UBE2Z: variants seen among roughly 807,000 people sequenced by gnomAD.
The protein encoded by UBE2Z is ubiquitin-conjugating enzyme E2 Z.
UBE2Z carries 10 observed loss-of-function variants against 32.6 expected under a neutral mutation model. That is an observed-to-expected ratio of 0.31 (90% CI 0.19 to 0.52). The LOEUF (loss-of-function observed/expected upper bound fraction) is 0.52. Ranked by LOEUF, UBE2Z falls within the 20% of genes least tolerant of loss-of-function variation. UBE2Z has a pLI of 0.97. For synonymous variants in UBE2Z, 183 were observed against 190.8 expected (o/e 0.96, Z 0.34); for missense variants, 343 against 480.9 (o/e 0.71, Z 2.68).
At chr17:48,918,298 C>G (rs1435066375) in intron 4 of UBE2Z, among the ~76,000 whole-genome samples, 3 of 151,960 alleles carry the variant, frequency 2.0e-5, no homozygotes, top group African/African-American at 4.8e-5. Context: ...CTCTATAGAC[C>G]TGAACAAAGG....
At chr17:48,922,963 C>A (rs1296268927) in intron 6 of UBE2Z, 26 bp downstream of exon 6, 1 of 1,591,468 alleles carries the variant, frequency 6.3e-7, no homozygotes, top group South Asian at 1.1e-5. Flanking sequence ...CTGCTAATTG[C>A]AGAAGCCCTA....
At chr17:48,915,777 T>C in intron 3 of UBE2Z, 1 of 300,216 alleles carries the variant, frequency 3.3e-6, no homozygotes, top group Non-Finnish European at 6.1e-6. Context: ...ATTGCTTACC[T>C]AATTTCTTTT....
chr17:48,916,425 AT>A (rs2040720715), intron 4 of UBE2Z, among the ~76,000 whole-genome samples: 1 of 150,282 alleles, frequency 6.7e-6, no homozygotes, highest in African/African-American at 2.4e-5. Flanking sequence ...GCTAATTTTT[AT>A]ATTTTTAGTA....
chr17:48,912,441 T>C (rs963960823), intron 2 of UBE2Z: 4 of 167,818 alleles, frequency 2.4e-5, no homozygotes, highest in Admixed American at 1.2e-4. Context: ...TTATATTTTA[T>C]AGATAAGCAT....
At chr17:48,912,515 A>AC in intron 2 of UBE2Z, 2 of 121,088 alleles carry the variant, frequency 1.7e-5, no homozygotes, top group Non-Finnish European at 3.6e-5. Flanking sequence ...AGGTCTGCAC[A>AC]AAAAAAAAAA....
intron 2 of UBE2Z, chr17:48,912,537 G>A: frequency 3.1e-6 from 1 of 325,786 alleles, no homozygotes; most frequent in Non-Finnish European, 5.8e-6. Context: ...TGCTTTAAGA[G>A]AGTTTTAGGG....
At chr17:48,920,874 T>C (rs999195830) in intron 4 of UBE2Z, among the ~76,000 whole-genome samples, 2 of 152,060 alleles carry the variant, frequency 1.3e-5, no homozygotes, top group Admixed American at 6.6e-5. Context: ...ACATAATCTT[T>C]ACTTGATAGA....
intron 4 of UBE2Z, 80 bp downstream of exon 4, chr17:48,916,267 T>G (rs1387987821): frequency 1.5e-6 from 1 of 677,118 alleles, no homozygotes. Context: ...TGTTTTTTTT[T>G]TTTTTTGAGA....
intron 4 of UBE2Z, among the ~76,000 whole-genome samples, chr17:48,919,245 A>T (rs540459696): frequency 6.6e-6 from 1 of 151,980 alleles, no homozygotes. Context: ...CGGCCTCCCA[A>T]AGTGCTGGGA....
chr17:48,910,620 C>G lies in UBE2Z; in HGVS notation c.318-188C>G, dbSNP rs1281955317. On this transcript the variant is annotated intron_variant, in intron 1 of 6. Coordinates refer to ENST00000360943, the MANE Select transcript of UBE2Z (RefSeq NM_023079.5). Reference sequence around the variant, plus strand: ...AATGCCCTTTTGATAATAATTTGCTCTCTGCCTGCCTGACAAGTACTCAGC... The same window carrying G: ...AATGCCCTTTTGATAATAATTTGCTGTCTGCCTGCCTGACAAGTACTCAGC... The G allele has an allele frequency of 1.4e-5, 7 of 489,210 alleles. No individual in the cohort carries two copies. In the South Asian group the frequency reaches 1.9e-4, roughly 13 times the overall value. 30.3% of individuals were successfully genotyped at this position (489,210 alleles called of 1,614,324 possible).
chr17:48,926,365 T>C (rs1397737345), intron 6 of UBE2Z, among the ~76,000 whole-genome samples: 3 of 152,200 alleles, frequency 2.0e-5, no homozygotes, highest in African/African-American at 4.8e-5. Context: ...CTCATTCCTA[T>C]CTATCTCACC....
chr17:48,921,646 C>A (rs1211102948), intron 5 of UBE2Z, among the ~76,000 whole-genome samples: 1 of 152,074 alleles, frequency 6.6e-6, no homozygotes, highest in Non-Finnish European at 1.5e-5. Flanking sequence ...AAATAAACTT[C>A]TAGGAGAATT....
intron 2 of UBE2Z, 177 bp from the exon 3 acceptor site, chr17:48,912,657 C>G (rs2040688589): frequency 1.6e-6 from 1 of 624,448 alleles, no homozygotes; most frequent in Non-Finnish European, 2.7e-6. Context: ...CTTAAAATTC[C>G]AAACCTACGT....
chr17:48,908,643 C>A lies in UBE2Z; in HGVS notation c.140C>A (p.Ala47Glu). Residue 47 changes from alanine to glutamate, a missense_variant, in exon 1 of 7, where the codon GCG becomes GAG. By Grantham distance (107) the Ala-to-Glu change is moderately radical. Coordinates refer to ENST00000360943, the MANE Select transcript of UBE2Z (RefSeq NM_023079.5). ...CCGCCTTTCCTGCCGGATGTGTGGG[C>A]GGCGGCGGCGGCAGCGGGCGGGGCC... ...FGPPFLPDVW[A>E]AAAAAGGAGG... The A allele has an allele frequency of 8.2e-7, 1 of 1,222,546 alleles. No homozygotes were observed. The allele number at this position is 1,222,546 out of a possible 1,614,324, so 75.7% of individuals were successfully genotyped here. A position where few individuals can be genotyped will look rare whatever the true frequency, so the allele number is the denominator to read the frequency against.
At chr17:48,919,571 GGCTTTAGCCATCCTCT>G (rs1339843844) in intron 4 of UBE2Z, among the ~76,000 whole-genome samples, 6 of 152,128 alleles carry the variant, frequency 3.9e-5, no homozygotes, top group Non-Finnish European at 8.8e-5. Context: ...CGAACTCCTG[GGCTTTAGCCATCCTCT>G]CACCTCAGCC....
chr17:48,909,510 C>T (rs2040659802), intron 1 of UBE2Z, among the ~76,000 whole-genome samples: 1 of 151,256 alleles, frequency 6.6e-6, no homozygotes, highest in Non-Finnish European at 1.5e-5. Flanking sequence ...TTGTAATATC[C>T]CACTCAGGAG....
At position 48,913,411 on chromosome 17, in the gene UBE2Z, G is replaced by C. The variant is rs566627753; in HGVS notation, c.578+390G>C. 8.5e-5 allele frequency among the ~76,000 whole-genome samples: 13 copies of C among 152,310 alleles called. No individual in the cohort carries two copies. The South Asian group carries it at 2.7e-3, about 32-fold the overall frequency. ...TGCTCTGTCGCCAGGCTGGAGTGCA[G>C]TGGCACGATCTTGGCTCACTGCAAC... is the stretch of plus-strand genomic sequence containing the variant. On this transcript the variant is annotated intron_variant, in intron 3 of 6. Coordinates refer to ENST00000360943, the MANE Select transcript of UBE2Z (RefSeq NM_023079.5).
Position 48,908,442 on chromosome 17 carries a change from G to A in UBE2Z, c.-62G>A. ...GGTTCTCGGTGGTGCGGGAGCGGGCGGGAGCAGCGGCCGCTCTGGTCGGCG... is the reference window on the plus strand; with the variant it reads ...GGTTCTCGGTGGTGCGGGAGCGGGCAGGAGCAGCGGCCGCTCTGGTCGGCG... On this transcript the variant is annotated 5_prime_UTR_variant, in exon 1 of 7. Coordinates refer to ENST00000360943, the MANE Select transcript of UBE2Z (RefSeq NM_023079.5). The A allele has an allele frequency of 2.5e-6, 3 of 1,206,368 alleles. No individual in the cohort carries two copies. The highest frequency in any genetic ancestry group is 3.1e-6 in the Non-Finnish European group (3 of 968,478). 74.7% of individuals were successfully genotyped at this position (1,206,368 alleles called of 1,614,324 possible).
chr17:48,915,892 G>A, intron 3 of UBE2Z, 184 bp from the exon 4 acceptor site: 1 of 399,536 alleles, frequency 2.5e-6, no homozygotes, highest in Non-Finnish European at 4.4e-6. Flanking sequence ...TGAGGATTAG[G>A]CAATTGACTG....
Sources: allele counts gnomAD v4.1 joint callset (sites outside exome capture counted in the v4.1 genomes callset), GRCh38; gene constraint gnomAD v4.1.1; transcripts MANE v1.5; gene names NCBI Gene and HGNC (gene_info 2026-07-23, HGNC 2026-07-21).